KANK1: variants seen among roughly 807,000 people sequenced by gnomAD.
KANK1 encodes KN motif and ankyrin repeat domain-containing protein 1.
Under a neutral mutation model 106.2 loss-of-function variants are expected in KANK1, and 109 were observed. The ratio of observed to expected loss-of-function variants is 1.03; its 90% CI spans 0.88 to 1.20. KANK1 has a LOEUF of 1.20. KANK1 is among the 50% of genes most tolerant of loss of function. KANK1 has a pLI of 0.00. For synonymous variants in KANK1, 873 were observed against 652.2 expected, an observed-to-expected ratio of 1.34 and a Z score of -5.16; for missense variants, 2,399 against 1,710.7, an observed-to-expected ratio of 1.40 and a Z score of -7.10.
chr9:555,207 C>G (rs1455923947), intron 1 of KANK1, among the ~76,000 whole-genome samples: 2 of 152,196 alleles, frequency 1.3e-5, no homozygotes, highest in Admixed American at 1.3e-4. Flanking sequence ...ATTTCCTAGT[C>G]TTATACCACG....
At chr9:736,146 G>C (rs1251356235) in intron 7 of KANK1, among the ~76,000 whole-genome samples, 1 of 152,142 alleles carries the variant, frequency 6.6e-6, no homozygotes, top group Non-Finnish European at 1.5e-5. Context: ...TTTTAGTAGA[G>C]ACCGGGTTTC....
intron 1 of KANK1, among the ~76,000 whole-genome samples, chr9:536,657 C>G (rs1283092355): frequency 6.6e-6 from 1 of 152,126 alleles, no homozygotes; most frequent in Non-Finnish European, 1.5e-5. Flanking sequence ...TTTAAAAAGA[C>G]TCATTAGATT....
intron 1 of KANK1, among the ~76,000 whole-genome samples, chr9:513,620 C>T (rs1171708333): frequency 1.3e-5 from 2 of 152,134 alleles, no homozygotes; most frequent in African/African-American, 2.4e-5. Flanking sequence ...TAAAATTTGA[C>T]TTGGTTAGTG....
intron 1 of KANK1, among the ~76,000 whole-genome samples, chr9:571,446 C>G (rs1427451563): frequency 1.3e-5 from 2 of 151,942 alleles, no homozygotes; most frequent in Non-Finnish European, 1.5e-5. Flanking sequence ...AATAAAAAGC[C>G]TTAGTCAGGA....
At chr9:593,284 G>C (rs1032740826) in intron 1 of KANK1, among the ~76,000 whole-genome samples, 1 of 151,764 alleles carries the variant, frequency 6.6e-6, no homozygotes. Flanking sequence ...AATGACAAAA[G>C]TCAGATGTGC....
chr9:522,999 G>T (rs1351251390), intron 1 of KANK1, among the ~76,000 whole-genome samples: 1 of 151,664 alleles, frequency 6.6e-6, no homozygotes, highest in Non-Finnish European at 1.5e-5. Context: ...TCATCTGTAA[G>T]GTCTCAGTTC....
intron 1 of KANK1, chr9:673,376 A>T (rs893646781): frequency 6.6e-6 from 1 of 151,942 alleles, no homozygotes; most frequent in East Asian, 1.9e-4. Context: ...TACCCAGCTA[A>T]TTTTTGTAGT....
intron 1 of KANK1, among the ~76,000 whole-genome samples, chr9:566,114 G>T (rs1176846994): frequency 1.3e-5 from 2 of 152,350 alleles, no homozygotes; most frequent in South Asian, 4.1e-4. Flanking sequence ...ACAACGTGTA[G>T]TATTTGGTTT....
Position 745,255 on chromosome 9 carries a change from TA to T in KANK1, c.*21del, listed in dbSNP as rs1181995570. On this transcript the variant is annotated 3_prime_UTR_variant, in exon 12 of 12. Coordinates refer to ENST00000382297, the MANE Select transcript of KANK1 (RefSeq NM_015158.5). The stretch of plus-strand genomic sequence containing the variant: ...GATTGATTGTATGCAAATAGCCCTT[TA>T]TTTACATGCCACTATTAAGCTGCTA... 1 of 1,613,938 alleles carries T rather than the reference TA, an allele frequency of 6.2e-7. No individual in the cohort carries two copies. Among genetic ancestry groups the T allele is most frequent in the Non-Finnish European group, 8.5e-7 (1 of 1,179,828 alleles).
intron 1 of KANK1, among the ~76,000 whole-genome samples, chr9:594,623 T>G (rs1037461971): frequency 6.6e-6 from 1 of 151,942 alleles, no homozygotes; most frequent in Admixed American, 6.5e-5. Flanking sequence ...GTAAAATGTC[T>G]TAAGATACAA....
chr9:509,583 T>G (rs964085504), intron 1 of KANK1, among the ~76,000 whole-genome samples: 5 of 152,236 alleles, frequency 3.3e-5, no homozygotes, highest in Admixed American at 6.5e-5. Flanking sequence ...CCTAAGGATA[T>G]GCTTTCATTT....
chr9:601,797 A>AT (rs1269296520), intron 1 of KANK1, among the ~76,000 whole-genome samples: 3 of 151,806 alleles, frequency 2.0e-5, no homozygotes, highest in African/African-American at 7.3e-5. Flanking sequence ...GCATCCCCTG[A>AT]TGCTCTAGGC....
chr9:651,572 C>T (rs894158766), intron 1 of KANK1, among the ~76,000 whole-genome samples: 5 of 152,158 alleles, frequency 3.3e-5, no homozygotes, highest in African/African-American at 1.2e-4. Context: ...CACAAGTTAC[C>T]TTGGCTCCAA....
intron 3 of KANK1, among the ~76,000 whole-genome samples, chr9:480,194 A>G (rs987375753): frequency 3.9e-5 from 6 of 152,234 alleles, no homozygotes; most frequent in African/African-American, 9.6e-5. Context: ...ATGGGGAAAC[A>G]TGAGATAAGA....
At chr9:621,735 C>T (rs1833188543) in intron 1 of KANK1, among the ~76,000 whole-genome samples, 2 of 152,098 alleles carry the variant, frequency 1.3e-5, no homozygotes, top group African/African-American at 4.8e-5. Context: ...GAGCCTACCA[C>T]AAACGCAGCT....
At chr9:537,558 G>A (rs2060366119) in intron 1 of KANK1, among the ~76,000 whole-genome samples, 1 of 151,982 alleles carries the variant, frequency 6.6e-6, no homozygotes, top group Admixed American at 6.6e-5. Context: ...TGATTCATAT[G>A]TTGAAAAAGA....
intron 1 of KANK1, among the ~76,000 whole-genome samples, chr9:614,359 C>T (rs555624804): frequency 4.6e-5 from 7 of 152,046 alleles, no homozygotes; most frequent in Admixed American, 4.6e-4. Context: ...TTACCCATTT[C>T]CATCTTTGAG....
intron 2 of KANK1, among the ~76,000 whole-genome samples, chr9:697,085 T>C (rs1821493536): frequency 2.6e-5 from 1 of 38,510 alleles, no homozygotes; most frequent in Non-Finnish European, 7.2e-5. Context: ...TCTGTGTGTG[T>C]GTGTGTGTGT....
chr9:744,559 C>A lies in KANK1; in HGVS notation c.3966C>A (p.Ala1322=). The stretch of plus-strand genomic sequence containing the variant: ...AGGACATCGCTGTTCTTCTGTATGC[C>A]CATGTCAACTTTGCAAAAGCCCAGT... ...GHKDIAVLLY[A]HVNFAKAQSP... The change falls in exon 11 of 12, where the codon GCC becomes GCA. Residue 1322 remains alanine, a synonymous_variant. Transcript: ENST00000382297. 1 of 1,614,138 alleles carries A rather than the reference C, an allele frequency of 6.2e-7. No homozygotes were observed. The highest frequency in any genetic ancestry group is 8.5e-7 in the Non-Finnish European group (1 of 1,180,028).
Sources: allele counts gnomAD v4.1 joint callset (sites outside exome capture counted in the v4.1 genomes callset), GRCh38; gene constraint gnomAD v4.1.1; transcripts MANE v1.5; gene names NCBI Gene and HGNC (gene_info 2026-07-23, HGNC 2026-07-21).